Variants in COL5A2 observed in about 807,000 individuals in gnomAD.
COL5A2 encodes collagen type V alpha 2 chain.
In COL5A2, 23 loss-of-function variants were observed where a neutral mutation model predicts 208.2. The ratio of observed to expected loss-of-function variants is 0.11; its 90% confidence interval spans 0.08 to 0.16. The LOEUF (loss-of-function observed/expected upper bound fraction) is 0.16. COL5A2 is among the 10% of genes least tolerant of loss of function. The pLI is 1.00. For synonymous variants in COL5A2, 625 were observed against 628.5 expected, an observed-to-expected ratio of 0.99 and a Z score of 0.08; for missense variants, 1,590 against 1,956.4, an observed-to-expected ratio of 0.81 and a Z score of 3.53.
chr2:189,333,101 A>G, the COL5A2 span, among the ~76,000 whole-genome samples: 5 of 151,998 alleles, frequency 3.3e-5, no homozygotes, highest in African/African-American at 4.8e-5. Flanking sequence ...AATATTGGGG[A>G]AAAAAGAAGA....
Position 189,058,524 on chromosome 2 carries a change from C to T in COL5A2, c.2134G>A (p.Glu712Lys). The T allele has an allele frequency of 6.2e-7, 1 of 1,613,112 alleles. No individual in the cohort carries two copies. Among genetic ancestry groups the T allele is most frequent in the Non-Finnish European group, 8.5e-7 (1 of 1,179,120 alleles). ...GAVGPLGPRG[E>K]RGNPGERGEP... ...CCTCTTTCCCCAGGATTTCCTCGTT[C>T]TCCCTAGCACAAAATTGGGATGTCA... The change falls in exon 33 of 54, where the codon GAA becomes AAA. Residue 712 changes from glutamate (E) to lysine (K), a missense_variant. By Grantham distance (56) the Glu-to-Lys change is moderately conservative. Transcript: ENST00000374866.
At chr2:189,372,045 A>G in the COL5A2 span, among the ~76,000 whole-genome samples, 3 of 152,166 alleles carry the variant, frequency 2.0e-5, no homozygotes, top group African/African-American at 7.2e-5. Context: ...CCAGGGCCCC[A>G]TTGCCCTGCA....
chr2:189,317,499 C>T, the COL5A2 span, among the ~76,000 whole-genome samples: 1 of 152,076 alleles, frequency 6.6e-6, no homozygotes, highest in Admixed American at 6.5e-5. Flanking sequence ...CTGAGACTGT[C>T]TGGTTTAAGA....
At chr2:189,210,491 T>C (rs1391643323) in intron 1 of COL5A2, among the ~76,000 whole-genome samples, 3 of 147,532 alleles carry the variant, frequency 2.0e-5, no homozygotes, top group Non-Finnish European at 4.5e-5. Context: ...AATCCAAATA[T>C]GGTGAATTTC....
chr2:189,057,036 C>T lies in COL5A2; in HGVS notation c.2338-10G>A, dbSNP rs1017894646. 2 of 1,612,978 alleles carry T rather than the reference C, an allele frequency of 1.2e-6. No individual in the cohort carries two copies. The highest frequency in any genetic ancestry group is 4.5e-5 in the East Asian group (2 of 44,874). ...TTTCTCCTATGCCACCCTGGGAAAACACACAAAATACAATTGATTCATTTA... is the reference window on the plus strand; with the variant it reads ...TTTCTCCTATGCCACCCTGGGAAAATACACAAAATACAATTGATTCATTTA... On this transcript the variant is annotated splice_polypyrimidine_tract_variant and intron_variant, in intron 34 of 53. Coordinates refer to ENST00000374866, the MANE Select transcript of COL5A2 (RefSeq NM_000393.5).
chr2:189,377,759 A>C, the COL5A2 span, among the ~76,000 whole-genome samples: 1 of 152,322 alleles, frequency 6.6e-6, no homozygotes, highest in African/African-American at 2.4e-5. Flanking sequence ...TATGAATATA[A>C]AACTGAGAGA....
the COL5A2 span, among the ~76,000 whole-genome samples, chr2:189,261,740 T>C: frequency 6.6e-6 from 1 of 152,208 alleles, no homozygotes; most frequent in Non-Finnish European, 1.5e-5. Context: ...CACCATCTTT[T>C]ATTTTGGCCA....
chr2:189,220,962 T>A (rs1689341603), intron 1 of COL5A2, among the ~76,000 whole-genome samples: 2 of 152,200 alleles, frequency 1.3e-5, no homozygotes, highest in South Asian at 4.1e-4. Context: ...TTTATCAGTT[T>A]TGTTCACTGT....
chr2:189,134,068 G>C (rs1438898028), intron 1 of COL5A2, among the ~76,000 whole-genome samples: 2 of 152,042 alleles, frequency 1.3e-5, no homozygotes, highest in Non-Finnish European at 2.9e-5. Flanking sequence ...GATTTCTTTG[G>C]AATCAATACA....
the COL5A2 span, among the ~76,000 whole-genome samples, chr2:189,291,660 G>A: frequency 6.6e-6 from 1 of 151,886 alleles, no homozygotes; most frequent in South Asian, 2.1e-4. Flanking sequence ...AACCACATTT[G>A]GAAATTATGA....
intron 1 of COL5A2, among the ~76,000 whole-genome samples, chr2:189,173,138 A>T (rs1248942438): frequency 6.6e-6 from 1 of 151,002 alleles, no homozygotes; most frequent in Non-Finnish European, 1.5e-5. Flanking sequence ...ACCCAGATAA[A>T]TTTTTTTGTA....
At chr2:189,259,770 A>C in the COL5A2 span, among the ~76,000 whole-genome samples, 3 of 152,176 alleles carry the variant, frequency 2.0e-5, no homozygotes, top group Non-Finnish European at 4.4e-5. Flanking sequence ...AAGAAAAGTC[A>C]GGATTGTTTT....
chr2:189,351,434 T>C, the COL5A2 span, among the ~76,000 whole-genome samples: 2 of 152,200 alleles, frequency 1.3e-5, no homozygotes, highest in Non-Finnish European at 2.9e-5. Flanking sequence ...GGAATAATAT[T>C]GAGACCTTAA....
intron 1 of COL5A2, among the ~76,000 whole-genome samples, chr2:189,161,825 T>C (rs1048639696): frequency 1.4e-4 from 21 of 152,252 alleles, no homozygotes; most frequent in African/African-American, 5.1e-4. Context: ...CAGTGGGCAA[T>C]AAATAAAAGG....
the COL5A2 span, among the ~76,000 whole-genome samples, chr2:189,396,529 C>T: frequency 6.6e-6 from 1 of 151,566 alleles, no homozygotes; most frequent in African/African-American, 2.4e-5. Flanking sequence ...AAAAAATTAG[C>T]CGGGCGTGGT....
chr2:189,124,945 T>TA (rs1395282297), intron 1 of COL5A2, among the ~76,000 whole-genome samples: 1 of 152,136 alleles, frequency 6.6e-6, no homozygotes, highest in Non-Finnish European at 1.5e-5. Flanking sequence ...TATGATCTAA[T>TA]AAAAAATTCT....
At position 189,049,380 on chromosome 2, in the gene COL5A2, G is replaced by A. The variant is rs1685735081; in HGVS notation, c.3114C>T (p.Gly1038=). The A allele has an allele frequency of 1.9e-6, 3 of 1,613,232 alleles. No individual in the cohort carries two copies. The highest frequency in any genetic ancestry group is 2.2e-5 in the East Asian group (1 of 44,878). ...KGPPGPVGPP[G]SNGPVGEPGP... is the part of the protein sequence containing the mutation. ...CAGGTTCCCCTACAGGACCATTGGA[G>A]CCTGGGGGCCCCACAGGTCCAGGTG... The change falls in exon 44 of 54, where the codon GGC becomes GGT. Residue 1038 remains glycine (G), a synonymous_variant. Transcript: ENST00000374866.
At chr2:189,214,176 C>T (rs967237931) in intron 1 of COL5A2, among the ~76,000 whole-genome samples, 3 of 152,020 alleles carry the variant, frequency 2.0e-5, no homozygotes, top group African/African-American at 7.2e-5. Flanking sequence ...TTCATCTATT[C>T]AGCAATTCCA....
chr2:189,391,235 A>G, the COL5A2 span, among the ~76,000 whole-genome samples: 1 of 152,188 alleles, frequency 6.6e-6, no homozygotes, highest in East Asian at 1.9e-4. Context: ...TGTAAGTAGG[A>G]TGGCAAGCTG....
Sources: gnomAD v4.1 joint callset for allele counts (sites outside exome capture counted in the v4.1 genomes callset) on GRCh38, gnomAD v4.1.1 for gene constraint, MANE v1.5 for transcripts, NCBI Gene and HGNC (gene_info 2026-07-23, HGNC 2026-07-21) for gene names.